Variants in LARGE1 observed in about 807,000 individuals in gnomAD.
LARGE1 encodes the protein LARGE xylosyl- and glucuronyltransferase 1.
Under a neutral mutation model 87.6 loss-of-function variants are expected in LARGE1, and 43 were observed. That is an observed-to-expected ratio of 0.49 (90% CI 0.38 to 0.63). The LOEUF (loss-of-function observed/expected upper bound fraction) is 0.63. Ranked by LOEUF, LARGE1 falls within the 30% of genes least tolerant of loss-of-function variation. The probability of loss-of-function intolerance (pLI) is 0.00; values close to 1 mark genes in which losing one functional copy is unlikely to be tolerated. For missense variants in LARGE1, 802 were observed against 1,000.2 expected, an observed-to-expected ratio of 0.80 and a Z score of 2.67; for synonymous variants, 434 against 394.6, an observed-to-expected ratio of 1.10 and a Z score of -1.18.
chr22:33,161,216 A>G (rs889717863), downstream of LARGE1, among the ~76,000 whole-genome samples: 7 of 152,174 alleles, frequency 4.6e-5, no homozygotes, highest in Admixed American at 3.3e-4. Context: ...AACTGCCTCC[A>G]TGATTCAATT....
intron 11 of LARGE1, among the ~76,000 whole-genome samples, chr22:33,266,247 G>A (rs1343669438): frequency 7.5e-6 from 1 of 133,858 alleles, no homozygotes; most frequent in Non-Finnish European, 1.6e-5. Context: ...TTGAGATGGA[G>A]TTTCGCTCTT....
chr22:33,798,363 T>G (rs901073514), intron 1 of LARGE1, among the ~76,000 whole-genome samples: 2 of 152,200 alleles, frequency 1.3e-5, no homozygotes, highest in African/African-American at 4.8e-5. Flanking sequence ...TCTGAAATAG[T>G]GAGTATAGGT....
intron 6 of LARGE1, among the ~76,000 whole-genome samples, chr22:33,480,995 G>A (rs2069296100): frequency 6.6e-6 from 1 of 151,786 alleles, no homozygotes; most frequent in Admixed American, 6.6e-5. Flanking sequence ...AGTTGCCTAT[G>A]TTTTCAAAAT....
At chr22:33,557,950 C>A (rs758461771) in intron 6 of LARGE1, among the ~76,000 whole-genome samples, 9 of 152,222 alleles carry the variant, frequency 5.9e-5, no homozygotes, top group African/African-American at 9.6e-5. Flanking sequence ...TGACCAAGAA[C>A]AGGCCAAGCC....
intron 8 of LARGE1, among the ~76,000 whole-genome samples, chr22:33,382,288 A>G (rs1214977796): frequency 6.6e-6 from 1 of 152,172 alleles, no homozygotes; most frequent in Non-Finnish European, 1.5e-5. Context: ...TGCTGGTCTC[A>G]TAAGGCCCTA....
At chr22:33,898,300 G>GC (rs60947900) in intron 1 of LARGE1, among the ~76,000 whole-genome samples, 6,698 of 152,210 alleles carry the variant, frequency 0.044, 182 homozygotes, top group East Asian at 0.16. Flanking sequence ...CAAGTGCCCC[G>GC]CCCCCCATCC....
At chr22:33,161,531 A>T (rs2146115649), downstream of LARGE1, among the ~76,000 whole-genome samples, 1 of 152,356 alleles carries the variant, frequency 6.6e-6, no homozygotes, top group South Asian at 2.1e-4. Flanking sequence ...CAATAGGGGT[A>T]CAAGAATTGG....
At chr22:33,705,867 C>T (rs995567986) in intron 2 of LARGE1, among the ~76,000 whole-genome samples, 14 of 152,146 alleles carry the variant, frequency 9.2e-5, no homozygotes, top group African/African-American at 2.9e-4. Flanking sequence ...ATGTTTAATA[C>T]GTGCAGGCAT....
At chr22:33,715,251 C>T (rs1399322474) in intron 2 of LARGE1, among the ~76,000 whole-genome samples, 3 of 152,224 alleles carry the variant, frequency 2.0e-5, no homozygotes, top group Admixed American at 6.5e-5. Flanking sequence ...CCTATCACCA[C>T]AGGCGTTTCT....
At chr22:33,647,290 A>T (rs2080649025) in intron 3 of LARGE1, among the ~76,000 whole-genome samples, 1 of 152,192 alleles carries the variant, frequency 6.6e-6, no homozygotes, top group Non-Finnish European at 1.5e-5. Context: ...CCTTGAGTAA[A>T]ATCTATCTGT....
chr22:33,721,523 C>A (rs544490525), intron 2 of LARGE1, among the ~76,000 whole-genome samples: 1 of 152,152 alleles, frequency 6.6e-6, no homozygotes, highest in African/African-American at 2.4e-5. Flanking sequence ...CAAGAAAGTA[C>A]ACACACCTAT....
chr22:33,551,854 C>T (rs770584197), intron 6 of LARGE1, among the ~76,000 whole-genome samples: 3 of 151,816 alleles, frequency 2.0e-5, no homozygotes, highest in Non-Finnish European at 4.4e-5. Flanking sequence ...TTTAGCCGGG[C>T]GTGATGATGG....
intron 2 of LARGE1, among the ~76,000 whole-genome samples, chr22:33,712,788 G>A (rs2082775723): frequency 6.6e-6 from 1 of 151,976 alleles, no homozygotes; most frequent in African/African-American, 2.4e-5. Context: ...AAGAAAGCTT[G>A]ACCCCCAGCA....
chr22:33,359,886 T>C (rs2064321727), intron 9 of LARGE1, among the ~76,000 whole-genome samples: 1 of 149,614 alleles, frequency 6.7e-6, no homozygotes, highest in Admixed American at 6.6e-5. Flanking sequence ...TTAACGTGTG[T>C]TCTGAGCTAG....
At chr22:33,805,528 G>C (rs1223573417) in intron 1 of LARGE1, among the ~76,000 whole-genome samples, 1 of 152,072 alleles carries the variant, frequency 6.6e-6, no homozygotes, top group Non-Finnish European at 1.5e-5. Context: ...GAGGTCAGGA[G>C]TTTGAGACCA....
chr22:33,089,385 T>TTCC, the LARGE1 span, among the ~76,000 whole-genome samples: 4 of 144,100 alleles, frequency 2.8e-5, no homozygotes, highest in Non-Finnish European at 6.0e-5. Flanking sequence ...CTTCTTCTTC[T>TTCC]TCCTCTTCTT....
At chr22:33,284,407 A>C (rs549502551) in intron 12 of LARGE1, among the ~76,000 whole-genome samples, 1 of 152,098 alleles carries the variant, frequency 6.6e-6, no homozygotes, top group Non-Finnish European at 1.5e-5. Flanking sequence ...TATCTCCCTA[A>C]GAGAAAGTTA....
At chr22:33,574,855 C>T (rs1041161269) in intron 5 of LARGE1, among the ~76,000 whole-genome samples, 1 of 151,760 alleles carries the variant, frequency 6.6e-6, no homozygotes, top group South Asian at 2.1e-4. Flanking sequence ...ATATGCCATA[C>T]AAAAGAGCAC....
chr22:33,529,885 T>A (rs954834661), intron 6 of LARGE1, among the ~76,000 whole-genome samples: 2 of 152,172 alleles, frequency 1.3e-5, no homozygotes, highest in African/African-American at 2.4e-5. Flanking sequence ...TCTTCCTCCT[T>A]CTCACCAGCT....
Sources: gnomAD v4.1 joint callset for allele counts (sites outside exome capture counted in the v4.1 genomes callset) on GRCh38, gnomAD v4.1.1 for gene constraint, MANE v1.5 for transcripts, NCBI Gene and HGNC (gene_info 2026-07-23, HGNC 2026-07-21) for gene names.